Variants in SCIN observed in about 807,000 individuals in gnomAD.
SCIN encodes scinderin.
SCIN carries 91 observed loss-of-function variants against 91.8 expected under a neutral mutation model. The ratio of observed to expected loss-of-function variants is 0.99; its 90% confidence interval spans 0.84 to 1.18. The LOEUF is 1.18. Among genes scored for constraint, SCIN ranks in the 50% most tolerant of loss-of-function variants. The probability of loss-of-function intolerance (pLI) is 0.00; values close to 1 mark genes in which losing one functional copy is unlikely to be tolerated. For synonymous variants in SCIN, 367 were observed against 312.6 expected (o/e 1.17, Z -1.84); for missense variants, 1,087 against 863.9 (o/e 1.26, Z -3.24).
chr7:12,605,570 A>G (rs537305957), intron 4 of SCIN, among the ~76,000 whole-genome samples: 3 of 152,342 alleles, frequency 2.0e-5, no homozygotes, highest in East Asian at 3.9e-4. Flanking sequence ...TTATATGCAC[A>G]GCCTGAAGAT....
intron 3 of SCIN, among the ~76,000 whole-genome samples, chr7:12,585,749 C>A (rs1171411332): frequency 6.6e-6 from 1 of 152,090 alleles, no homozygotes; most frequent in Non-Finnish European, 1.5e-5. Flanking sequence ...TGAATCTTTC[C>A]TGTTCTCTTC....
chr7:12,609,511 AAAAC>A (rs1163260670), intron 4 of SCIN, among the ~76,000 whole-genome samples: 13 of 152,250 alleles, frequency 8.5e-5, no homozygotes, highest in Admixed American at 2.6e-4. Flanking sequence ...AGGAAAGCAA[AAAAC>A]AAACAAACAA....
chr7:12,641,376 C>G (rs1357958900), intron 11 of SCIN, among the ~76,000 whole-genome samples: 1 of 152,194 alleles, frequency 6.6e-6, no homozygotes, highest in Non-Finnish European at 1.5e-5. Flanking sequence ...GACCCACTCA[C>G]CATGGCCTCA....
intron 14 of SCIN, among the ~76,000 whole-genome samples, chr7:12,650,666 A>AT (rs930968774): frequency 2.6e-5 from 4 of 152,116 alleles, no homozygotes; most frequent in South Asian, 2.1e-4. Context: ...AATTCAGGAC[A>AT]TTTTTTTCAG....
chr7:12,642,541 C>T (rs917210565), intron 11 of SCIN, among the ~76,000 whole-genome samples: 1 of 150,914 alleles, frequency 6.6e-6, no homozygotes, highest in African/African-American at 2.4e-5. Context: ...ACTCACTCAC[C>T]ATCTCTACTT....
intron 3 of SCIN, among the ~76,000 whole-genome samples, chr7:12,583,862 A>T (rs1413741544): frequency 6.6e-6 from 1 of 152,132 alleles, no homozygotes; most frequent in East Asian, 1.9e-4. Context: ...TTTTTATTTT[A>T]TATAGTTAAT....
chr7:12,643,043 CA>C (rs1783888145), intron 11 of SCIN, among the ~76,000 whole-genome samples: 2 of 152,170 alleles, frequency 1.3e-5, no homozygotes, highest in South Asian at 4.1e-4. Context: ...TATCTACGGG[CA>C]TTCTCAGTTG....
In SCIN at chr7:12,621,637, G is replaced by GTTTTTTT. The variant is rs60697843; in HGVS notation, c.667-1150_667-1144dup. On this transcript the variant is annotated intron_variant, in intron 4 of 15. Transcript: ENST00000297029. Reference sequence around the variant, plus strand: ...AAAGCTTTTGGTCACAAGTGTTTTAGTTTTTTTTTTTTTTTTTTTTGCTTG... The same window carrying GTTTTTTT: ...AAAGCTTTTGGTCACAAGTGTTTTAGTTTTTTTTTTTTTTTTTTTTTTTTTTTGCTTG... Among the ~76,000 whole-genome samples, 54 of 106,346 alleles carry GTTTTTTT rather than the reference G, an allele frequency of 5.1e-4. 1 individual carries two copies. Among genetic ancestry groups the GTTTTTTT allele is most frequent in the Non-Finnish European group, 7.9e-4 (42 of 53,294 alleles). The allele number at this position is 106,346 out of a possible 152,430, so 69.8% of individuals were successfully genotyped here.
chr7:12,640,618 C>G (rs781308415), intron 11 of SCIN, 101 bp downstream of exon 11: 48 of 1,017,722 alleles, frequency 4.7e-5, no homozygotes, highest in Non-Finnish European at 5.8e-5. Flanking sequence ...CAAATAAACT[C>G]CCTTCATTCC....
intron 1 of SCIN, among the ~76,000 whole-genome samples, chr7:12,574,941 A>G (rs1422742861): frequency 1.3e-5 from 2 of 152,162 alleles, no homozygotes; most frequent in Non-Finnish European, 2.9e-5. Context: ...GATTGACATC[A>G]TTATTATGTG....
chr7:12,628,565 C>T (rs1162466681), intron 8 of SCIN, among the ~76,000 whole-genome samples: 1 of 152,194 alleles, frequency 6.6e-6, no homozygotes, highest in African/African-American at 2.4e-5. Context: ...GTCCCACCTC[C>T]TAATACCATC....
intron 1 of SCIN, among the ~76,000 whole-genome samples, chr7:12,572,745 G>T (rs934764602): frequency 2.0e-5 from 3 of 151,992 alleles, no homozygotes; most frequent in African/African-American, 7.3e-5. Context: ...AAATGGTTTG[G>T]GCAGAAACAT....
chr7:12,629,810 G>A (rs1415167674), intron 9 of SCIN, among the ~76,000 whole-genome samples: 1 of 152,084 alleles, frequency 6.6e-6, no homozygotes, highest in Non-Finnish European at 1.5e-5. Context: ...ATGATCAAAT[G>A]TCCAACCAAG....
intron 13 of SCIN, among the ~76,000 whole-genome samples, chr7:12,645,986 T>G (rs1302261996): frequency 6.6e-6 from 1 of 152,234 alleles, no homozygotes; most frequent in Admixed American, 6.5e-5. Flanking sequence ...AAATTTTACA[T>G]GTCAATTTCC....
rs1783513447 is a variant in SCIN, at chr7:12,625,967, C to A, written c.981+117C>A. 3 of 635,434 alleles carry A rather than the reference C, an allele frequency of 4.7e-6. No individual in the cohort carries two copies. The Admixed American group carries it at 9.5e-5, about 20-fold the overall frequency. 39.4% of individuals were successfully genotyped at this position (635,434 alleles called of 1,614,324 possible). ...TAACGTCTGTATGTGAAGTGATTCT[C>A]CACCTGCCTGTCTGCTGCAATCTGG... On this transcript the variant is annotated intron_variant, in intron 7 of 15. Transcript: ENST00000297029.
chr7:12,608,351 A>G (rs1222909455), intron 4 of SCIN, among the ~76,000 whole-genome samples: 2 of 151,586 alleles, frequency 1.3e-5, no homozygotes, highest in Non-Finnish European at 2.9e-5. Flanking sequence ...ACACACACAG[A>G]GTATCCTTGT....
chr7:12,605,005 C>CT (rs144382867), intron 4 of SCIN, among the ~76,000 whole-genome samples: 14,848 of 152,086 alleles, frequency 0.098, 786 homozygotes, highest in South Asian at 0.14. Context: ...ATTAATAGTT[C>CT]TTTCATCTAT....
chr7:12,625,944 A>G lies in SCIN; in HGVS notation c.981+94A>G, dbSNP rs1783512900. 3.8e-6 allele frequency: 3 copies of G among 786,984 alleles called. No homozygotes were observed. The South Asian group carries it at 5.6e-5, about 15-fold the overall frequency. The allele number at this position is 786,984 out of a possible 1,614,324, so 48.8% of individuals were successfully genotyped here. A position where few individuals can be genotyped will look rare whatever the true frequency, so the allele number is the denominator to read the frequency against. On this transcript the variant is annotated intron_variant, in intron 7 of 15. Coordinates refer to ENST00000297029, the MANE Select transcript of SCIN (RefSeq NM_001112706.3). ...TCATGAAAAAGTTTGGGTCAAAGTA[A>G]CGTCTGTATGTGAAGTGATTCTCCA...
At chr7:12,580,669 C>A (rs1394170504) in intron 2 of SCIN, among the ~76,000 whole-genome samples, 1 of 152,142 alleles carries the variant, frequency 6.6e-6, no homozygotes, top group Non-Finnish European at 1.5e-5. Flanking sequence ...TTACTTCTGA[C>A]CCTCCTCTAG....
Sources: gnomAD v4.1 joint callset for allele counts (sites outside exome capture counted in the v4.1 genomes callset) on GRCh38, gnomAD v4.1.1 for gene constraint, MANE v1.5 for transcripts, NCBI Gene and HGNC (gene_info 2026-07-23, HGNC 2026-07-21) for gene names.